COL6A3: variants seen among roughly 807,000 people sequenced by gnomAD.
COL6A3 encodes the protein collagen type VI alpha 3 chain.
COL6A3 carries 137 observed loss-of-function variants against 274.1 expected under a neutral mutation model. The ratio of observed to expected loss-of-function variants is 0.50; its 90% CI spans 0.44 to 0.58. The LOEUF is 0.58. Among genes scored for constraint, COL6A3 ranks in the 20% least tolerant of loss-of-function variants. The pLI, the probability that COL6A3 is intolerant of heterozygous loss-of-function variation, is 0.00. For missense variants in COL6A3, 3,950 were observed against 4,124.9 expected, an observed-to-expected ratio of 0.96 and a Z score of 1.16; for synonymous variants, 1,650 against 1,650.6, an observed-to-expected ratio of 1.00 and a Z score of 0.01.
rs900381140 is a variant in COL6A3, at chr2:237,407,440, C to T, written c.-31+6513G>A. Among the ~76,000 whole-genome samples, 9 of 152,138 alleles carry T rather than the reference C, an allele frequency of 5.9e-5. No individual in the cohort carries two copies. The highest frequency in any genetic ancestry group is 2.2e-4 in the African/African-American group (9 of 41,430). The stretch of plus-strand genomic sequence containing the variant: ...CTGGTAAAATCTAACAAAGCAACAC[C>T]TGTTCTGCAACTTGTGGATTATAAC... On this transcript the variant is annotated intron_variant, in intron 1 of 43. Coordinates refer to ENST00000295550, the MANE Select transcript of COL6A3 (RefSeq NM_004369.4). The surrounding 1 kb of genome is among the most constrained non-coding windows in gnomAD (Gnocchi z 4.3).
intron 11 of COL6A3, among the ~76,000 whole-genome samples, chr2:237,366,398 T>C (rs1433653887): frequency 6.6e-6 from 1 of 152,182 alleles, no homozygotes; most frequent in Non-Finnish European, 1.5e-5. Flanking sequence ...CTAATAAATC[T>C]ATAATTAGAC....
chr2:237,334,535 G>C, intron 41 of COL6A3, 91 bp downstream of exon 41: 1 of 1,410,726 alleles, frequency 7.1e-7, no homozygotes, highest in African/African-American at 1.4e-5. Context: ...GGTTATTTCA[G>C]AATAGATTCA....
chr2:237,355,054 C>A, intron 23 of COL6A3, 120 bp from the exon 24 acceptor site: 4 of 936,394 alleles, frequency 4.3e-6, no homozygotes, highest in Admixed American at 2.1e-5. Context: ...TCTTCCCAAG[C>A]ACCCACATCG....
At position 237,358,561 on chromosome 2, in the gene COL6A3, T is replaced by A; in HGVS notation, c.6431A>T (p.Glu2144Val). ...CCCAACATCTCCTCTTTCTCCTTTCTCTCCTCGAGGTCCTTTATCACCCTA... is the reference window on the plus strand; with the variant it reads ...CCCAACATCTCCTCTTTCTCCTTTCACTCCTCGAGGTCCTTTATCACCCTA... ...GRRGDKGPRG[E>V]KGERGDVGIR... The change falls in exon 21 of 44, where the codon GAG becomes GTG. Residue 2144 changes from glutamate to valine, a missense_variant. Transcript: ENST00000295550. The A allele has an allele frequency of 6.2e-7, 1 of 1,614,056 alleles. No individual in the cohort carries two copies. Among genetic ancestry groups the A allele is most frequent in the Non-Finnish European group, 8.5e-7 (1 of 1,179,954 alleles).
intron 1 of COL6A3, 67 bp from the exon 2 acceptor site, chr2:237,396,914 A>G (rs775905614): frequency 1.8e-6 from 2 of 1,102,554 alleles, no homozygotes; most frequent in Non-Finnish European, 2.7e-6. Context: ...ATCTCTCAAA[A>G]TCCCATGCTT....
rs770496206 is a variant in COL6A3 at position 237,381,253 on chromosome 2, C to G, written c.1559G>C (p.Gly520Ala). 12 of 1,614,134 alleles carry G rather than the reference C, an allele frequency of 7.4e-6. No homozygotes were observed. The highest frequency in any genetic ancestry group is 1.0e-5 in the Non-Finnish European group (12 of 1,180,054). ...TAVRKMKPLDGSALYTGSALD... is the reference protein window; with the variant it reads ...TAVRKMKPLDASALYTGSALD... Reference sequence around the variant, plus strand: ...AGCAGAGCCCGTGTACAGGGCCGAGCCGTCCAGGGGCTTCATTTTCCGCAC... The same window carrying G: ...AGCAGAGCCCGTGTACAGGGCCGAGGCGTCCAGGGGCTTCATTTTCCGCAC... Residue 520 changes from glycine to alanine, a missense_variant, in exon 5 of 44, where the codon GGC (glycine) becomes GCC (alanine). This residue lies in a region of COL6A3 where 1,934 missense variants were observed against 1,984.3 expected (regional missense o/e 0.97). Coordinates refer to ENST00000295550, the MANE Select transcript of COL6A3 (RefSeq NM_004369.4).
chr2:237,330,725 T>G (rs1345244942), intron 42 of COL6A3, among the ~76,000 whole-genome samples: 6 of 152,228 alleles, frequency 3.9e-5, no homozygotes, highest in Non-Finnish European at 8.8e-5. Flanking sequence ...ATTACATGCC[T>G]GACTCACATT....
chr2:237,378,880 T>C lies in COL6A3; in HGVS notation c.2253A>G (p.Thr751=), dbSNP rs886055809. 1 of 1,614,240 alleles carries C rather than the reference T, an allele frequency of 6.2e-7. No individual in the cohort carries two copies. Among genetic ancestry groups the C allele is most frequent in the Non-Finnish European group, 8.5e-7 (1 of 1,180,042 alleles). ...AATAGGAGTCCTCAGACTGCCCAGC[T>C]GTGAGCAGAAGCAGGAGCTGCGGCA... ...EHVPQLLLLL[T]AGQSEDSYLQ... Residue 751 remains threonine (T), a synonymous_variant, in exon 6 of 44, where the codon ACA becomes ACG. Coordinates refer to ENST00000295550, the MANE Select transcript of COL6A3 (RefSeq NM_004369.4).
chr2:237,345,971 T>C (rs1393913462), intron 32 of COL6A3, among the ~76,000 whole-genome samples: 1 of 152,168 alleles, frequency 6.6e-6, no homozygotes. Flanking sequence ...TGAGGGACAA[T>C]ATATGGAGAA....
chr2:237,355,143 G>A, intron 23 of COL6A3: 1 of 510,448 alleles, frequency 2.0e-6, no homozygotes, highest in Non-Finnish European at 3.5e-6. Context: ...CCCTCATCCG[G>A]GTGAAGTTTT....
intron 42 of COL6A3, chr2:237,333,120 C>T (rs1700349208): frequency 2.6e-6 from 1 of 377,982 alleles, no homozygotes; most frequent in African/African-American, 2.0e-5. Context: ...AAATGAAACG[C>T]CAATCTTCAC....
intron 11 of COL6A3, 68 bp downstream of exon 11, chr2:237,366,618 GA>G (rs1253006376): frequency 6.8e-6 from 11 of 1,612,056 alleles, no homozygotes; most frequent in Non-Finnish European, 9.3e-6. Flanking sequence ...CAGCACCAGG[GA>G]CCAGACAGCT....
At chr2:237,391,518 G>A (rs1312367835) in intron 3 of COL6A3, among the ~76,000 whole-genome samples, 5 of 143,172 alleles carry the variant, frequency 3.5e-5, no homozygotes, top group African/African-American at 9.0e-5. Flanking sequence ...TTGTTTGTTT[G>A]TTTGTTTGTT....
In COL6A3 at chr2:237,333,748, G is replaced by A. The variant is rs1700386927; in HGVS notation, c.9230-200C>T. Reference sequence around the variant, plus strand: ...AAGTTGGATCCATGAGCTAATAAGCGACGGGAGGGGATCCCTGAACTTCTG... The same window carrying A: ...AAGTTGGATCCATGAGCTAATAAGCAACGGGAGGGGATCCCTGAACTTCTG... On this transcript the variant is annotated intron_variant, in intron 41 of 43. Coordinates refer to ENST00000295550, the MANE Select transcript of COL6A3 (RefSeq NM_004369.4). 2.0e-5 allele frequency among the ~76,000 whole-genome samples: 3 copies of A among 152,190 alleles called. No homozygotes were observed. In the South Asian group the frequency reaches 6.2e-4, roughly 31 times the overall value.
chr2:237,387,681 A>G lies in COL6A3; in HGVS notation c.1213T>C (p.Phe405Leu). Residue 405 changes from phenylalanine (F) to leucine (L), a missense_variant, in exon 4 of 44, where the codon TTC becomes CTC. Around this residue, in one of 5 missense-constraint regions of COL6A3, gnomAD observed 1,934 missense variants for 1,984.3 expected, o/e 0.97. Coordinates refer to ENST00000295550, the MANE Select transcript of COL6A3 (RefSeq NM_004369.4). Reference protein sequence around the residue: ...DDNLVFTVPEFRSFGDLQEKL... With the variant: ...DDNLVFTVPELRSFGDLQEKL... Reference sequence around the variant, plus strand: ...TCCTGGAGGTCCCCAAAGCTACGGAATTCCGGGACAGTAAACACCAAGTTG... The same window carrying G: ...TCCTGGAGGTCCCCAAAGCTACGGAGTTCCGGGACAGTAAACACCAAGTTG... The G allele has an allele frequency of 6.2e-7, 1 of 1,613,972 alleles. No individual in the cohort carries two copies. The highest frequency in any genetic ancestry group is 8.5e-7 in the Non-Finnish European group (1 of 1,179,922).
At chr2:237,327,779 G>C (rs1277439697) in intron 42 of COL6A3, 1 of 151,674 alleles carries the variant, frequency 6.6e-6, no homozygotes, top group Non-Finnish European at 1.5e-5. Context: ...GAGACATGTC[G>C]TTTTGGCTGG....
intron 39 of COL6A3, among the ~76,000 whole-genome samples, chr2:237,336,747 T>C (rs940278871): frequency 6.6e-6 from 1 of 152,156 alleles, no homozygotes; most frequent in South Asian, 2.1e-4. Context: ...AATAGAACCA[T>C]TAAAAATGAA....
intron 23 of COL6A3, 128 bp from the exon 24 acceptor site, chr2:237,355,062 T>C: frequency 3.4e-6 from 3 of 872,230 alleles, no homozygotes; most frequent in Non-Finnish European, 5.5e-6. Context: ...AGCACCCACA[T>C]CGTGCCAAGA....
In COL6A3 at chr2:237,347,134, G is replaced by T. The variant is rs183700744; in HGVS notation, c.7030-569C>A. ...ATCCATTGAAGAATAATCTGGCCAG[G>T]TGTGGTGTCTCATGCATGTAATCCC... is the stretch of plus-strand genomic sequence containing the variant. On this transcript the variant is annotated intron_variant, in intron 31 of 43. Transcript: ENST00000295550. Among the ~76,000 whole-genome samples, 5 of 152,124 alleles carry T rather than the reference G, an allele frequency of 3.3e-5. No individual in the cohort carries two copies. In the East Asian group the frequency reaches 9.6e-4, roughly 29 times the overall value.
Sources: allele counts gnomAD v4.1 joint callset (sites outside exome capture counted in the v4.1 genomes callset), GRCh38; gene constraint gnomAD v4.1.1; regional missense constraint gnomAD v4.1.1; non-coding constraint Gnocchi (gnomAD v3.1); transcripts MANE v1.5; gene names NCBI Gene and HGNC (gene_info 2026-07-23, HGNC 2026-07-21).